Variants in LYPD1 observed in about 807,000 individuals in gnomAD.
The protein encoded by LYPD1 is LY6/PLAUR domain containing 1.
A neutral mutation model predicts 14.2 loss-of-function variants in LYPD1; 14 were observed. The ratio of observed to expected loss-of-function variants is 0.99; its 90% CI spans 0.65 to 1.54. The LOEUF (loss-of-function observed/expected upper bound fraction) is 1.54. LYPD1 is among the 40% of genes most tolerant of loss of function. The pLI is 0.00. For synonymous variants in LYPD1, 85 were observed against 70.6 expected, an observed-to-expected ratio of 1.20 and a Z score of -1.02; for missense variants, 165 against 175.7, an observed-to-expected ratio of 0.94 and a Z score of 0.34.
chr2:132,653,721 C>A (rs2104905706), intron 2 of LYPD1, among the ~76,000 whole-genome samples: 1 of 152,310 alleles, frequency 6.6e-6, no homozygotes, highest in African/African-American at 2.4e-5. Context: ...CAGATACTAT[C>A]TGAATCAAAA....
chr2:132,668,364 G>A, intron 2 of LYPD1, 36 bp downstream of exon 2: 1 of 1,587,802 alleles, frequency 6.3e-7, no homozygotes, highest in Non-Finnish European at 8.6e-7. Flanking sequence ...CACAGCCCAG[G>A]CTTAAGAGCG....
At chr2:132,666,517 T>C (rs542562954) in intron 2 of LYPD1, among the ~76,000 whole-genome samples, 58 of 152,346 alleles carry the variant, frequency 3.8e-4, no homozygotes, top group Non-Finnish European at 6.3e-4. Context: ...TGTTGGGCTG[T>C]GACCTGTGGC....
chr2:132,646,349 A>G lies in LYPD1; in HGVS notation c.191-69T>C. 2.7e-6 allele frequency: 3 copies of G among 1,106,362 alleles called. No homozygotes were observed. The South Asian group carries it at 7.1e-5, about 26-fold the overall frequency. The allele number at this position is 1,106,362 out of a possible 1,614,324, so 68.5% of individuals were successfully genotyped here. A position where few individuals can be genotyped will look rare whatever the true frequency, so the allele number is the denominator to read the frequency against. ...AAAGAATAGCTGTCCCTCTCAGCCCAAATCCAAACGGACAGCTCTTCCTTA... is the reference window on the plus strand; with the variant it reads ...AAAGAATAGCTGTCCCTCTCAGCCCGAATCCAAACGGACAGCTCTTCCTTA... On this transcript the variant is annotated intron_variant, in intron 2 of 2. Transcript: ENST00000397463.
At chr2:132,647,513 A>G (rs1573723970) in intron 2 of LYPD1, among the ~76,000 whole-genome samples, 1 of 152,132 alleles carries the variant, frequency 6.6e-6, no homozygotes, top group African/African-American at 2.4e-5. Context: ...TTGTAGTTTT[A>G]GTAGAGATGG....
At chr2:132,663,078 A>T (rs138588491) in intron 2 of LYPD1, 2 of 152,322 alleles carry the variant, frequency 1.3e-5, no homozygotes, top group East Asian at 3.9e-4. Flanking sequence ...AAAATGTCTC[A>T]TCTCGAAGAG....
intron 2 of LYPD1, among the ~76,000 whole-genome samples, chr2:132,665,963 T>A (rs1037975084): frequency 2.0e-5 from 3 of 152,158 alleles, no homozygotes; most frequent in Non-Finnish European, 4.4e-5. Context: ...AAATTCTGAC[T>A]TCAATTCTTA....
chr2:132,644,173 A>C lies in LYPD1; in HGVS notation c.*1872T>G, dbSNP rs1417100019. Reference sequence around the variant, plus strand: ...TGTTTGTGGTCTATGTAGCATCTTTATCTCTGTCAGTCAGAATTGCAGAAC... The same window carrying C: ...TGTTTGTGGTCTATGTAGCATCTTTCTCTCTGTCAGTCAGAATTGCAGAAC... On this transcript the variant is annotated 3_prime_UTR_variant, in exon 3 of 3. Transcript: ENST00000397463. 6.6e-6 allele frequency among the ~76,000 whole-genome samples: 1 copy of C among 152,178 alleles called. No homozygotes were observed. The highest frequency in any genetic ancestry group is 2.4e-5 in the African/African-American group (1 of 41,432).
At chr2:132,659,225 G>A (rs1423701587) in intron 2 of LYPD1, among the ~76,000 whole-genome samples, 2 of 152,142 alleles carry the variant, frequency 1.3e-5, no homozygotes, top group Non-Finnish European at 2.9e-5. Context: ...ATTTTGAAAT[G>A]GTGATAAATC....
chr2:132,670,151 C>T lies in LYPD1; in HGVS notation c.-219G>A. 1 of 1,374,910 alleles carries T rather than the reference C, an allele frequency of 7.3e-7. No individual in the cohort carries two copies. Among genetic ancestry groups the T allele is most frequent in the Admixed American group, 3.6e-5 (1 of 27,764 alleles). 85.2% of individuals were successfully genotyped at this position (1,374,910 alleles called of 1,614,324 possible). A position where few individuals can be genotyped will look rare whatever the true frequency, so the allele number is the denominator to read the frequency against. On this transcript the variant is annotated 5_prime_UTR_variant, in exon 1 of 3. Coordinates refer to ENST00000397463, the MANE Select transcript of LYPD1 (RefSeq NM_144586.7). The surrounding 1 kb of genome is among the most constrained non-coding windows in gnomAD (Gnocchi z 4.5). ...CGGCTGCGGGTCTCTGCTCCTCCCGCTCGCGCTCCCGGGCCGAGCACCGCG... is the reference window on the plus strand; with the variant it reads ...CGGCTGCGGGTCTCTGCTCCTCCCGTTCGCGCTCCCGGGCCGAGCACCGCG...
Position 132,645,125 on chromosome 2 carries a change from T to G in LYPD1, c.*920A>C. 5.0e-6 allele frequency: 8 copies of G among 1,613,730 alleles called. No individual in the cohort carries two copies. The highest frequency in any genetic ancestry group is 1.3e-5 in the African/African-American group (1 of 75,060). ...GGGCTGATTGTTGTGACATTGGCCG[T>G]ATGCTGGATGCCCAACCAGATTCGG... On this transcript the variant is annotated 3_prime_UTR_variant, in exon 3 of 3. Coordinates refer to ENST00000397463, the MANE Select transcript of LYPD1 (RefSeq NM_144586.7).
At chr2:132,649,280 G>T (rs1006264601) in intron 2 of LYPD1, among the ~76,000 whole-genome samples, 1 of 152,178 alleles carries the variant, frequency 6.6e-6, no homozygotes, top group Non-Finnish European at 1.5e-5. Context: ...AAATCCACGT[G>T]GTGGAGATAA....
At chr2:132,662,196 A>G (rs143587610) in intron 2 of LYPD1, among the ~76,000 whole-genome samples, 11 of 152,328 alleles carry the variant, frequency 7.2e-5, no homozygotes, top group African/African-American at 2.6e-4. Flanking sequence ...CACCCTTCAG[A>G]AGCAGGTATG....
chr2:132,663,731 G>A (rs1273728661), intron 2 of LYPD1, among the ~76,000 whole-genome samples: 1 of 152,192 alleles, frequency 6.6e-6, no homozygotes, highest in Non-Finnish European at 1.5e-5. Flanking sequence ...GACTGCAGAT[G>A]GGATGTCTAA....
At chr2:132,646,502 G>A (rs774657321) in intron 2 of LYPD1, 3 of 395,272 alleles carry the variant, frequency 7.6e-6, no homozygotes, top group South Asian at 1.3e-4. Flanking sequence ...TTCCAAAAGC[G>A]ATTTGAGATG....
Position 132,657,802 on chromosome 2 carries a change from G to A in LYPD1, c.190+10598C>T, listed in dbSNP as rs553546876. Among the ~76,000 whole-genome samples the A allele has an allele frequency of 9.2e-5, 14 of 152,076 alleles. No homozygotes were observed. The East Asian group carries it at 9.6e-4, about 10-fold the overall frequency. Reference sequence around the variant, plus strand: ...AGGTCCTTTGACTATACATTTCAGCGTTCAATTGAGGTAAAATAATGGTGA... The same window carrying A: ...AGGTCCTTTGACTATACATTTCAGCATTCAATTGAGGTAAAATAATGGTGA... On this transcript the variant is annotated intron_variant, in intron 2 of 2. Coordinates refer to ENST00000397463, the MANE Select transcript of LYPD1 (RefSeq NM_144586.7).
intron 2 of LYPD1, among the ~76,000 whole-genome samples, chr2:132,657,506 T>C (rs1682669986): frequency 1.3e-5 from 2 of 152,172 alleles, no homozygotes; most frequent in South Asian, 2.1e-4. Context: ...TGCATACAAA[T>C]TCACCCAAAT....
intron 2 of LYPD1, among the ~76,000 whole-genome samples, chr2:132,663,739 T>TA (rs1683103142): frequency 1.3e-5 from 2 of 152,124 alleles, no homozygotes; most frequent in Non-Finnish European, 1.5e-5. Flanking sequence ...ATGGGATGTC[T>TA]AAAAGAGAGC....
chr2:132,647,952 T>C lies in LYPD1; in HGVS notation c.191-1672A>G, dbSNP rs181112008. Among the ~76,000 whole-genome samples, 359 of 149,224 alleles carry C rather than the reference T, an allele frequency of 2.4e-3. 1 individual carries two copies. Among genetic ancestry groups the C allele is most frequent in the African/African-American group, 8.9e-3 (341 of 38,520 alleles). ...ATTTACCGTAAAACATGCAATTTTATGTCATTTTTTCCCCTCTAACTGCAT... is the reference window on the plus strand; with the variant it reads ...ATTTACCGTAAAACATGCAATTTTACGTCATTTTTTCCCCTCTAACTGCAT... On this transcript the variant is annotated intron_variant, in intron 2 of 2. Transcript: ENST00000397463.
Position 132,645,434 on chromosome 2 carries a change from G to C in LYPD1, c.*611C>G. ...CAGCGCCCGTTGCTCTTCGCGTCCC[G>C]GCGCCAGTCCTCTGCAAGGAGAACT... is the stretch of plus-strand genomic sequence containing the variant. On this transcript the variant is annotated 3_prime_UTR_variant, in exon 3 of 3. Transcript: ENST00000397463. 1 of 1,613,520 alleles carries C rather than the reference G, an allele frequency of 6.2e-7. No homozygotes were observed. The highest frequency in any genetic ancestry group is 8.5e-7 in the Non-Finnish European group (1 of 1,180,020).
Sources: gnomAD v4.1 joint callset for allele counts (sites outside exome capture counted in the v4.1 genomes callset) on GRCh38, gnomAD v4.1.1 for gene constraint, Gnocchi (gnomAD v3.1) non-coding constraint, MANE v1.5 for transcripts, NCBI Gene and HGNC (gene_info 2026-07-23, HGNC 2026-07-21) for gene names.